Variants in IQCJ observed in about 807,000 individuals in gnomAD.
IQCJ encodes IQ motif containing J.
IQCJ carries 9 observed loss-of-function variants against 11.0 expected under a neutral mutation model. The observed-to-expected ratio is 0.82, with a 90% CI of 0.49 to 1.43. The LOEUF (loss-of-function observed/expected upper bound fraction) is 1.43, where lower values mean the gene tolerates loss of function less well. Ranked by LOEUF, IQCJ falls within the 40% of genes most tolerant of loss-of-function variation. The probability of loss-of-function intolerance (pLI) is 0.00; values close to 1 mark genes in which losing one functional copy is unlikely to be tolerated. For missense variants in IQCJ, 146 were observed against 133.2 expected (o/e 1.10, Z -0.47); for synonymous variants, 55 against 51.3 (o/e 1.07, Z -0.31).
intron 1 of IQCJ, among the ~76,000 whole-genome samples, chr3:159,121,702 T>G (rs1440800369): frequency 6.6e-6 from 1 of 152,188 alleles, no homozygotes; most frequent in Admixed American, 6.5e-5. Context: ...CATAGAAGCC[T>G]TTTGAAACAC....
At chr3:159,192,449 G>T (rs1468837764) in intron 1 of IQCJ, among the ~76,000 whole-genome samples, 2 of 152,192 alleles carry the variant, frequency 1.3e-5, no homozygotes. Flanking sequence ...ATACATAAGA[G>T]AGTGAAGGAA....
intron 1 of IQCJ, among the ~76,000 whole-genome samples, chr3:159,079,271 T>C (rs536208406): frequency 6.6e-6 from 1 of 152,212 alleles, no homozygotes; most frequent in Non-Finnish European, 1.5e-5. Context: ...TGATCAACAG[T>C]AAGACGAGGG....
chr3:159,105,061 A>G (rs1436040113), intron 1 of IQCJ, among the ~76,000 whole-genome samples: 1 of 152,232 alleles, frequency 6.6e-6, no homozygotes, highest in Non-Finnish European at 1.5e-5. Context: ...TGTGAATGAA[A>G]TCAAGACATG....
In IQCJ at chr3:159,069,973, T is replaced by C. The variant is rs74520547; in HGVS notation, c.9+532T>C. On this transcript the variant is annotated intron_variant, in intron 1 of 3. Transcript: ENST00000397832. Reference sequence around the variant, plus strand: ...CTGCACGAGAATTTCTACCCCATGTTACCTGCCTTCTTAAAACTCAGTAAG... The same window carrying C: ...CTGCACGAGAATTTCTACCCCATGTCACCTGCCTTCTTAAAACTCAGTAAG... 643 of 255,808 alleles carry C rather than the reference T, an allele frequency of 2.5e-3. 20 individuals carry two copies. In the East Asian group the frequency reaches 0.05, roughly 20 times the overall value. The allele number at this position is 255,808 out of a possible 1,614,324, so 15.8% of individuals were successfully genotyped here.
chr3:159,090,177 C>T lies in IQCJ; in HGVS notation c.9+20736C>T, dbSNP rs954508080. Among the ~76,000 whole-genome samples, 12 of 151,750 alleles carry T rather than the reference C, an allele frequency of 7.9e-5. 1 individual carries two copies. The highest frequency in any genetic ancestry group is 2.4e-4 in the African/African-American group (10 of 41,132). On this transcript the variant is annotated intron_variant, in intron 1 of 3. Transcript: ENST00000397832. ...GCTGCAGGTCTGTTGGAGTACTGGG[C>T]CCTGTGAGGTGTCAGTCTGCCCCTG...
chr3:159,114,279 G>T (rs1229881510), intron 1 of IQCJ, among the ~76,000 whole-genome samples: 1 of 150,338 alleles, frequency 6.7e-6, no homozygotes, highest in African/African-American at 2.4e-5. Context: ...AGTGACATAG[G>T]TTTAATTTCA....
At chr3:159,163,660 C>A (rs1180391358) in intron 1 of IQCJ, among the ~76,000 whole-genome samples, 1 of 152,166 alleles carries the variant, frequency 6.6e-6, no homozygotes, top group Non-Finnish European at 1.5e-5. Flanking sequence ...CCACCATGCC[C>A]AGCCTCATTT....
intron 3 of IQCJ, among the ~76,000 whole-genome samples, chr3:159,253,183 C>A (rs992708420): frequency 2.0e-5 from 3 of 149,166 alleles, no homozygotes; most frequent in Non-Finnish European, 3.0e-5. Context: ...ACACACACAC[C>A]CTTTTAAAAA....
intron 1 of IQCJ, among the ~76,000 whole-genome samples, chr3:159,209,064 T>C (rs1577081954): frequency 6.6e-6 from 1 of 152,108 alleles, no homozygotes; most frequent in Non-Finnish European, 1.5e-5. Context: ...GAAATTCACA[T>C]CCCTGTTTTC....
chr3:159,092,764 A>G (rs1401057690), intron 1 of IQCJ, among the ~76,000 whole-genome samples: 1 of 149,204 alleles, frequency 6.7e-6, no homozygotes, highest in Non-Finnish European at 1.5e-5. Context: ...TGTCAATGTA[A>G]ACTGTTATAA....
intron 1 of IQCJ, among the ~76,000 whole-genome samples, chr3:159,140,927 G>A (rs1374597131): frequency 6.6e-6 from 1 of 152,174 alleles, no homozygotes; most frequent in African/African-American, 2.4e-5. Flanking sequence ...ACTTTTCATA[G>A]CAAGCAGTAA....
At chr3:159,070,047 G>A (rs142368239) in intron 1 of IQCJ, 207 of 202,184 alleles carry the variant, frequency 1.0e-3, no homozygotes, top group African/African-American at 4.1e-3. Flanking sequence ...TCAGGGGGAC[G>A]TTGATCCGCA....
chr3:159,073,032 G>A (rs1715682119), intron 1 of IQCJ, among the ~76,000 whole-genome samples: 1 of 152,052 alleles, frequency 6.6e-6, no homozygotes, highest in African/African-American at 2.4e-5. Flanking sequence ...AAATGGGGAA[G>A]GAAGCAAAAT....
intron 1 of IQCJ, among the ~76,000 whole-genome samples, chr3:159,226,690 G>A (rs1472556630): frequency 1.3e-5 from 2 of 152,164 alleles, no homozygotes; most frequent in East Asian, 3.9e-4. Flanking sequence ...AATTGGGTGA[G>A]GAAAGTACAG....
At chr3:159,082,010 TG>T (rs1394481244) in intron 1 of IQCJ, among the ~76,000 whole-genome samples, 4 of 152,080 alleles carry the variant, frequency 2.6e-5, no homozygotes, top group Admixed American at 6.6e-5. Flanking sequence ...TAAAACAACT[TG>T]TTGATTCAAG....
downstream of IQCJ, chr3:159,263,815 G>C: frequency 1.0e-6 from 1 of 985,160 alleles, no homozygotes; most frequent in Non-Finnish European, 1.2e-6. Flanking sequence ...AAATAAAAGT[G>C]GCAGAAGATC....
chr3:159,104,583 G>A (rs1027614013), intron 1 of IQCJ, among the ~76,000 whole-genome samples: 1 of 152,100 alleles, frequency 6.6e-6, no homozygotes, highest in Non-Finnish European at 1.5e-5. Context: ...AATCCCCCAT[G>A]CATTATTTAC....
At chr3:159,205,969 G>A (rs1332643173) in intron 1 of IQCJ, among the ~76,000 whole-genome samples, 1 of 152,178 alleles carries the variant, frequency 6.6e-6, no homozygotes, top group East Asian at 1.9e-4. Context: ...TTAAGAGAAT[G>A]AACTGAGTGG....
At chr3:159,172,770 C>CG (rs1298331569) in intron 1 of IQCJ, among the ~76,000 whole-genome samples, 6 of 1,118 alleles carry the variant, frequency 5.4e-3, no homozygotes, top group South Asian at 0.071. Context: ...CAAAGGCGGG[C>CG]GGGGGGGTGG....
Sources: allele counts gnomAD v4.1 joint callset (sites outside exome capture counted in the v4.1 genomes callset), GRCh38; gene constraint gnomAD v4.1.1; transcripts MANE v1.5; gene names NCBI Gene and HGNC (gene_info 2026-07-23, HGNC 2026-07-21).